The following CNTLN variants were observed in gnomAD, a reference collection of about 807,000 sequenced individuals.
The protein encoded by CNTLN is centlein, centrosomal protein.
CNTLN carries 212 observed loss-of-function variants against 180.0 expected under a neutral mutation model. That is an observed-to-expected ratio of 1.18 (90% CI 1.05 to 1.32). CNTLN has a LOEUF of 1.32. Among genes scored for constraint, CNTLN ranks in the 40% most tolerant of loss-of-function variants. The probability of loss-of-function intolerance (pLI) is 0.00; values close to 1 mark genes in which losing one functional copy is unlikely to be tolerated. For missense variants in CNTLN, 2,095 were observed against 1,610.9 expected (o/e 1.30, Z -5.14); for synonymous variants, 722 against 563.1 (o/e 1.28, Z -3.99).
At chr9:17,446,904 C>T (rs900966573) in intron 18 of CNTLN, among the ~76,000 whole-genome samples, 2 of 152,200 alleles carry the variant, frequency 1.3e-5, no homozygotes, top group African/African-American at 4.8e-5. Context: ...AGAGATGAAT[C>T]AGCAGTCTTC....
intron 5 of CNTLN, among the ~76,000 whole-genome samples, chr9:17,268,746 C>T (rs565769537): frequency 6.6e-6 from 1 of 152,174 alleles, no homozygotes; most frequent in East Asian, 1.9e-4. Flanking sequence ...CAATGGCAGG[C>T]ACTCCTCCCC....
chr9:17,263,118 T>C (rs950632347), intron 5 of CNTLN, among the ~76,000 whole-genome samples: 18 of 150,882 alleles, frequency 1.2e-4, no homozygotes, highest in Non-Finnish European at 2.1e-4. Context: ...TGTATACATG[T>C]GCCATGTTGG....
chr9:17,301,613 C>T, intron 7 of CNTLN: 3 of 982,270 alleles, frequency 3.1e-6, no homozygotes, highest in Non-Finnish European at 3.6e-6. Context: ...TTGTACCTCC[C>T]ACTGTAATAT....
At chr9:17,374,986 T>G (rs567948691) in intron 13 of CNTLN, among the ~76,000 whole-genome samples, 1 of 152,324 alleles carries the variant, frequency 6.6e-6, no homozygotes, top group East Asian at 1.9e-4. Context: ...TATTGCAGCA[T>G]TATTCATAAT....
At chr9:17,309,857 C>G (rs376171030) in intron 8 of CNTLN, among the ~76,000 whole-genome samples, 9 of 151,982 alleles carry the variant, frequency 5.9e-5, no homozygotes, top group African/African-American at 2.2e-4. Flanking sequence ...TTAAAAAAAT[C>G]TCTGTGAATT....
At chr9:17,167,016 C>T (rs535345161) in intron 2 of CNTLN, 1 of 260,518 alleles carries the variant, frequency 3.8e-6, no homozygotes, top group South Asian at 4.3e-5. Flanking sequence ...AAGGATGACT[C>T]TGAAAAAATT....
At chr9:17,523,977 C>A in the CNTLN span, among the ~76,000 whole-genome samples, 1 of 152,172 alleles carries the variant, frequency 6.6e-6, no homozygotes, top group Non-Finnish European at 1.5e-5. Context: ...CTTGCTTTTT[C>A]CTCTTAGAAA....
At chr9:17,371,835 T>C (rs1404279587) in intron 13 of CNTLN, among the ~76,000 whole-genome samples, 2 of 152,126 alleles carry the variant, frequency 1.3e-5, no homozygotes, top group African/African-American at 2.4e-5. Context: ...TGCAGACATA[T>C]GGAAATTAAA....
chr9:17,366,804 C>G (rs893213970), intron 13 of CNTLN, 87 bp downstream of exon 13: 76 of 761,956 alleles, frequency 1.0e-4, no homozygotes, highest in Admixed American at 5.4e-5. Flanking sequence ...TTTTAAGAAT[C>G]TTACCCTTTT....
chr9:17,283,842 A>G (rs974969694), intron 6 of CNTLN, among the ~76,000 whole-genome samples: 1 of 152,098 alleles, frequency 6.6e-6, no homozygotes, highest in Non-Finnish European at 1.5e-5. Context: ...TTCTGTGTCT[A>G]TTGAGATGAT....
At chr9:17,430,795 A>G (rs779665843) in intron 18 of CNTLN, among the ~76,000 whole-genome samples, 2 of 152,132 alleles carry the variant, frequency 1.3e-5, no homozygotes, top group Non-Finnish European at 2.9e-5. Context: ...GAGTGAGAAT[A>G]TGTGATATTT....
At chr9:17,216,611 A>T (rs1482934040) in intron 2 of CNTLN, among the ~76,000 whole-genome samples, 1 of 151,906 alleles carries the variant, frequency 6.6e-6, no homozygotes, top group Admixed American at 6.6e-5. Flanking sequence ...TTTTATTTCT[A>T]TTTCTTATTT....
intron 2 of CNTLN, among the ~76,000 whole-genome samples, chr9:17,183,896 T>C (rs1821273812): frequency 6.6e-6 from 1 of 152,108 alleles, no homozygotes; most frequent in South Asian, 2.1e-4. Flanking sequence ...GATATAGTTA[T>C]ATTCACCAGA....
intron 23 of CNTLN, 95 bp downstream of exon 23, chr9:17,466,986 G>T (rs1012578145): frequency 2.6e-6 from 2 of 773,748 alleles, no homozygotes. Flanking sequence ...GTTTCTTTCT[G>T]CTTTCCTAAC....
intron 16 of CNTLN, among the ~76,000 whole-genome samples, chr9:17,415,577 A>G (rs542823712): frequency 6.6e-6 from 1 of 151,806 alleles, no homozygotes; most frequent in Non-Finnish European, 1.5e-5. Context: ...ATTTTTTTCA[A>G]TTTTTTTTGT....
chr9:17,360,039 AT>A (rs1382819844), intron 12 of CNTLN, among the ~76,000 whole-genome samples: 6 of 152,114 alleles, frequency 3.9e-5, no homozygotes, highest in Non-Finnish European at 8.8e-5. Context: ...CATTATGGAT[AT>A]TTCTTTTTTT....
At position 17,259,844 on chromosome 9, in the gene CNTLN, C is replaced by T. The variant is rs1206798179; in HGVS notation, c.850-13889C>T. Among the ~76,000 whole-genome samples, 8 of 140,142 alleles carry T rather than the reference C, an allele frequency of 5.7e-5. 1 individual carries two copies. The highest frequency in any genetic ancestry group is 2.2e-4 in the East Asian group (1 of 4,482). 91.9% of individuals were successfully genotyped at this position (140,142 alleles called of 152,430 possible). On this transcript the variant is annotated intron_variant, in intron 5 of 25. Transcript: ENST00000380647. ...ATATCCCCTTTATCATTTTTTATTG[C>T]ATCTATTTGATTCTTCTCTCTTTTT... is the stretch of plus-strand genomic sequence containing the variant.
intron 5 of CNTLN, among the ~76,000 whole-genome samples, chr9:17,253,078 A>G (rs550690972): frequency 1.3e-5 from 2 of 151,640 alleles, no homozygotes; most frequent in South Asian, 4.1e-4. Context: ...TCAGTCAGCT[A>G]TGAATTGGTG....
At chr9:17,147,953 C>T (rs551371059) in intron 2 of CNTLN, among the ~76,000 whole-genome samples, 24 of 152,208 alleles carry the variant, frequency 1.6e-4, no homozygotes, top group African/African-American at 5.8e-4. Context: ...AAGAATAATC[C>T]TGCCCAATTA....
Sources: allele counts gnomAD v4.1 joint callset (sites outside exome capture counted in the v4.1 genomes callset), GRCh38; gene constraint gnomAD v4.1.1; transcripts MANE v1.5; gene names NCBI Gene and HGNC (gene_info 2026-07-23, HGNC 2026-07-21).